Variants in PTPRC observed in about 807,000 individuals in gnomAD.
The protein encoded by PTPRC is protein tyrosine phosphatase receptor type C, also known as receptor-type tyrosine-protein phosphatase C.
Under a neutral mutation model 155.9 loss-of-function variants are expected in PTPRC, and 44 were observed. The ratio of observed to expected loss-of-function variants is 0.28; its 90% confidence interval spans 0.22 to 0.36. The LOEUF is 0.36. Ranked by LOEUF, PTPRC falls within the 10% of genes least tolerant of loss-of-function variation. The pLI, the probability that PTPRC is intolerant of heterozygous loss-of-function variation, is 1.00. For synonymous variants in PTPRC, 525 were observed against 533.1 expected (o/e 0.98, Z 0.21); for missense variants, 1,401 against 1,564.6 (o/e 0.90, Z 1.76).
intron 9 of PTPRC, among the ~76,000 whole-genome samples, chr1:198,707,391 G>T (rs1571856069): frequency 6.6e-6 from 1 of 152,086 alleles, no homozygotes; most frequent in African/African-American, 2.4e-5. Context: ...AAAAAGGAAG[G>T]TTATGGTCAT....
rs141099643 is a variant in PTPRC, at chr1:198,722,461, C to T, written c.1705C>T (p.His569Tyr). 4.0e-5 allele frequency: 59 copies of T among 1,463,458 alleles called. No individual in the cohort carries two copies. The highest frequency in any genetic ancestry group is 2.0e-4 in the Middle Eastern group (1 of 5,076). 90.7% of individuals were successfully genotyped at this position (1,463,458 alleles called of 1,614,324 possible). A position where few individuals can be genotyped will look rare whatever the true frequency, so the allele number is the denominator to read the frequency against. ...GDYPGEPFIL[H>Y]HSTSYNSKAL... ...CTATCCTGGAGAACCCTTTATTTTA[C>T]ATCATTCAACATCTTGTAAGTTATC... is the stretch of plus-strand genomic sequence containing the variant. Residue 569 changes from histidine (H) to tyrosine (Y), a missense_variant, in exon 15 of 33, where the codon CAT becomes TAT. Around this residue, in one of 3 missense-constraint regions of PTPRC, gnomAD observed 867 missense variants for 970.4 expected, o/e 0.89. Coordinates refer to ENST00000442510, the MANE Select transcript of PTPRC (RefSeq NM_002838.5).
At chr1:198,753,570 A>G (rs1655485826) in intron 31 of PTPRC, among the ~76,000 whole-genome samples, 1 of 152,042 alleles carries the variant, frequency 6.6e-6, no homozygotes, top group African/African-American at 2.4e-5. Context: ...AAATATATGA[A>G]TTTTCAGCAT....
chr1:198,689,821 T>A (rs939196101), intron 2 of PTPRC, among the ~76,000 whole-genome samples: 3 of 152,178 alleles, frequency 2.0e-5, no homozygotes, highest in Non-Finnish European at 2.9e-5. Context: ...TTCATGCTGA[T>A]GTTGATGCGA....
Position 198,702,380 on chromosome 1 carries a change from A to AT in PTPRC, c.440-5dup. ...AGTGACAGTGCTGATGGCCCTTCTG[A>AT]TTGCAGATGTCCCAGGAGAGAGGAG... is the stretch of plus-strand genomic sequence containing the variant. On this transcript the variant is annotated splice_region_variant and splice_polypyrimidine_tract_variant and intron_variant, in intron 5 of 32. Transcript: ENST00000442510. 1 of 1,614,118 alleles carries AT rather than the reference A, an allele frequency of 6.2e-7. No individual in the cohort carries two copies. Among genetic ancestry groups the AT allele is most frequent in the Non-Finnish European group, 8.5e-7 (1 of 1,180,032 alleles).
intron 2 of PTPRC, among the ~76,000 whole-genome samples, chr1:198,685,966 G>A (rs1665599827): frequency 1.3e-5 from 2 of 149,162 alleles, no homozygotes; most frequent in Non-Finnish European, 3.0e-5. Flanking sequence ...TTTTTTTTTA[G>A]CGGGGAGGGA....
At chr1:198,685,929 A>G (rs1665595943) in intron 2 of PTPRC, among the ~76,000 whole-genome samples, 1 of 151,792 alleles carries the variant, frequency 6.6e-6, no homozygotes. Flanking sequence ...TAAATTCCCT[A>G]GGAAATAGCA....
Position 198,698,390 on chromosome 1 carries a change from C to T in PTPRC, c.299-1174C>T, listed in dbSNP as rs1666308312. Reference sequence around the variant, plus strand: ...TTTCTTTTCTAGAAAATAATCTTTTCATCAGGTGATACTTCAATTATCTAT... The same window carrying T: ...TTTCTTTTCTAGAAAATAATCTTTTTATCAGGTGATACTTCAATTATCTAT... On this transcript the variant is annotated intron_variant, in intron 4 of 32. Coordinates refer to ENST00000442510, the MANE Select transcript of PTPRC (RefSeq NM_002838.5). 2.6e-5 allele frequency among the ~76,000 whole-genome samples: 4 copies of T among 152,070 alleles called. No individual in the cohort carries two copies. In the South Asian group the frequency reaches 8.3e-4, roughly 32 times the overall value.
intron 31 of PTPRC, 116 bp from the exon 32 acceptor site, chr1:198,754,153 G>T: frequency 7.9e-7 from 1 of 1,272,808 alleles, no homozygotes; most frequent in South Asian, 1.3e-5. Flanking sequence ...GTTGGAATAA[G>T]ATAATTATGA....
intron 3 of PTPRC, chr1:198,694,902 C>T: frequency 1.0e-6 from 1 of 969,238 alleles, no homozygotes; most frequent in South Asian, 4.8e-5. Flanking sequence ...TATTACTGTA[C>T]TTAGTTGGCT....
At chr1:198,689,007 G>T (rs1286157424) in intron 2 of PTPRC, among the ~76,000 whole-genome samples, 1 of 152,136 alleles carries the variant, frequency 6.6e-6, no homozygotes, top group Non-Finnish European at 1.5e-5. Flanking sequence ...ACTTAGTATA[G>T]TGCCTGGCAC....
chr1:198,671,632 A>G (rs1664653288), intron 2 of PTPRC, among the ~76,000 whole-genome samples: 1 of 152,198 alleles, frequency 6.6e-6, no homozygotes, highest in Non-Finnish European at 1.5e-5. Context: ...TTCTCCAACT[A>G]TGCACTAGAC....
At chr1:198,754,649 AGAG>A (rs1655545778) in intron 32 of PTPRC, among the ~76,000 whole-genome samples, 1 of 152,066 alleles carries the variant, frequency 6.6e-6, no homozygotes, top group Non-Finnish European at 1.5e-5. Context: ...CAGTTCATGA[AGAG>A]CCTTTCCCTA....
At chr1:198,662,499 T>G (rs1316999050) in intron 2 of PTPRC, among the ~76,000 whole-genome samples, 1 of 151,086 alleles carries the variant, frequency 6.6e-6, no homozygotes. Flanking sequence ...TGTATAAACA[T>G]GAGACCATAT....
rs1655536948 is a variant in PTPRC at position 198,754,513 on chromosome 1, C to G, written c.3645+109C>G. On this transcript the variant is annotated intron_variant, in intron 32 of 32. Coordinates refer to ENST00000442510, the MANE Select transcript of PTPRC (RefSeq NM_002838.5). ...CTTTCCTCTCGTTTGTTCTTTTTTC[C>G]CCTTTCCTTTTCTCTTCTCTATTTT... is the stretch of plus-strand genomic sequence containing the variant. The G allele has an allele frequency of 2.3e-6, 3 of 1,318,272 alleles. No individual in the cohort carries two copies. The Admixed American group carries it at 6.4e-5, about 28-fold the overall frequency. 81.7% of individuals were successfully genotyped at this position (1,318,272 alleles called of 1,614,324 possible).
intron 3 of PTPRC, among the ~76,000 whole-genome samples, chr1:198,696,376 CT>C (rs1443943024): frequency 6.6e-6 from 1 of 151,846 alleles, no homozygotes; most frequent in African/African-American, 2.4e-5. Context: ...AACTCAATTG[CT>C]TTGGATAGGC....
intron 9 of PTPRC, among the ~76,000 whole-genome samples, chr1:198,707,762 A>G (rs1653069167): frequency 6.6e-6 from 1 of 152,234 alleles, no homozygotes; most frequent in African/African-American, 2.4e-5. Context: ...TAATCATTCA[A>G]TTAAAAGTAA....
At chr1:198,734,142 A>G in intron 20 of PTPRC, 54 bp from the exon 21 acceptor site, 17 of 1,547,014 alleles carry the variant, frequency 1.1e-5, no homozygotes, top group Non-Finnish European at 1.5e-5. Context: ...TTTTCCTGTT[A>G]ATGAGTAATT....
chr1:198,680,100 C>T (rs1028124287), intron 2 of PTPRC: 15 of 414,844 alleles, frequency 3.6e-5, no homozygotes, highest in Non-Finnish European at 6.0e-5. Flanking sequence ...GCAGGCGCAG[C>T]GGCGACTCGG....
At position 198,699,322 on chromosome 1, in the gene PTPRC, A is replaced by G. The variant is rs556927451; in HGVS notation, c.299-242A>G. Among the ~76,000 whole-genome samples the G allele has an allele frequency of 1.2e-4, 18 of 152,342 alleles. No homozygotes were observed. In the South Asian group the frequency reaches 3.7e-3, roughly 32 times the overall value. The stretch of plus-strand genomic sequence containing the variant: ...TGAAAGTCAATAAAGCCACCTGGAA[A>G]CACGAATTCTCTATGGCTGCATCCA... On this transcript the variant is annotated intron_variant, in intron 4 of 32. Coordinates refer to ENST00000442510, the MANE Select transcript of PTPRC (RefSeq NM_002838.5).
Sources: allele counts gnomAD v4.1 joint callset (sites outside exome capture counted in the v4.1 genomes callset), GRCh38; gene constraint gnomAD v4.1.1; regional missense constraint gnomAD v4.1.1; transcripts MANE v1.5; gene names NCBI Gene and HGNC (gene_info 2026-07-23, HGNC 2026-07-21).